The following PLXDC2 variants were observed in gnomAD, a reference collection of about 807,000 sequenced individuals.
PLXDC2 encodes plexin domain containing 2.
A neutral mutation model predicts 68.9 loss-of-function variants in PLXDC2; 40 were observed. The observed-to-expected ratio is 0.58, with a 90% CI of 0.45 to 0.76. The LOEUF (loss-of-function observed/expected upper bound fraction) is 0.76, where lower values mean the gene tolerates loss of function less well. PLXDC2 is among the 30% of genes least tolerant of loss of function. The pLI is 0.00. For missense variants in PLXDC2, 644 were observed against 661.9 expected (o/e 0.97, Z 0.30); for synonymous variants, 243 against 234.2 (o/e 1.04, Z -0.34).
intron 1 of PLXDC2, among the ~76,000 whole-genome samples, chr10:19,972,003 G>A (rs1314250514): frequency 6.6e-6 from 1 of 152,112 alleles, no homozygotes; most frequent in African/African-American, 2.4e-5. Flanking sequence ...GTGCATAGAG[G>A]GAGGAAGGTC....
intron 9 of PLXDC2, among the ~76,000 whole-genome samples, chr10:20,203,440 G>GACT (rs1834947680): frequency 6.6e-6 from 1 of 151,738 alleles, no homozygotes. Context: ...AAGTAGCTGG[G>GACT]ACTACAGGCA....
At chr10:19,840,640 A>G (rs1208911762) in intron 1 of PLXDC2, among the ~76,000 whole-genome samples, 2 of 152,272 alleles carry the variant, frequency 1.3e-5, no homozygotes, top group Non-Finnish European at 2.9e-5. Flanking sequence ...GCCACAATGT[A>G]TACATTCTTA....
intron 1 of PLXDC2, among the ~76,000 whole-genome samples, chr10:19,875,472 G>T (rs1243833521): frequency 6.6e-6 from 1 of 152,228 alleles, no homozygotes; most frequent in African/African-American, 2.4e-5. Flanking sequence ...GAATAACCTA[G>T]TTAGGATTAT....
intron 1 of PLXDC2, among the ~76,000 whole-genome samples, chr10:19,963,120 T>C (rs1834189666): frequency 6.6e-6 from 1 of 152,170 alleles, no homozygotes; most frequent in African/African-American, 2.4e-5. Flanking sequence ...GGTAGCTCAC[T>C]TTATACATCA....
chr10:20,191,966 A>G (rs1486612145), intron 9 of PLXDC2, among the ~76,000 whole-genome samples: 25 of 152,136 alleles, frequency 1.6e-4, no homozygotes, highest in Non-Finnish European at 5.9e-5. Flanking sequence ...CACACATTCC[A>G]TGAAAGGCTT....
intron 9 of PLXDC2, among the ~76,000 whole-genome samples, chr10:20,204,871 A>G (rs910991033): frequency 3.9e-5 from 6 of 152,084 alleles, no homozygotes; most frequent in African/African-American, 1.4e-4. Context: ...CTGATCTATA[A>G]ACTGATTTCT....
At chr10:20,219,364 G>C (rs1348887010) in intron 12 of PLXDC2, among the ~76,000 whole-genome samples, 1 of 152,136 alleles carries the variant, frequency 6.6e-6, no homozygotes, top group Non-Finnish European at 1.5e-5. Context: ...GCTATTCTTT[G>C]TTGGTCTAGT....
At chr10:20,120,735 G>A (rs950282195) in intron 4 of PLXDC2, among the ~76,000 whole-genome samples, 5 of 152,166 alleles carry the variant, frequency 3.3e-5, no homozygotes, top group African/African-American at 1.2e-4. Context: ...GAAGGGAGGG[G>A]GCCTGAATAA....
rs542193880 is a variant in PLXDC2, at chr10:20,090,322, C to G, written c.541+22083C>G. Among the ~76,000 whole-genome samples the G allele has an allele frequency of 9.2e-5, 14 of 152,140 alleles. No individual in the cohort carries two copies. In the South Asian group the frequency reaches 2.7e-3, roughly 29 times the overall value. On this transcript the variant is annotated intron_variant, in intron 4 of 13. Coordinates refer to ENST00000377252, the MANE Select transcript of PLXDC2 (RefSeq NM_032812.9). ...TTTCTCACAGAATATAAAGCAACACCCTTATGTTCACCAGCAACATCTGAA... is the reference window on the plus strand; with the variant it reads ...TTTCTCACAGAATATAAAGCAACACGCTTATGTTCACCAGCAACATCTGAA...
chr10:20,255,564 A>G (rs1042785424), intron 13 of PLXDC2, among the ~76,000 whole-genome samples: 1 of 152,194 alleles, frequency 6.6e-6, no homozygotes, highest in Non-Finnish European at 1.5e-5. Context: ...TCATTCAATT[A>G]CAAGATTATC....
chr10:19,846,084 A>C (rs2131322020), intron 1 of PLXDC2, among the ~76,000 whole-genome samples: 1 of 152,224 alleles, frequency 6.6e-6, no homozygotes, highest in Non-Finnish European at 1.5e-5. Context: ...CCCAGGTCAA[A>C]AATTTACAAA....
chr10:19,946,679 A>G (rs1833907437), intron 1 of PLXDC2, among the ~76,000 whole-genome samples: 2 of 152,022 alleles, frequency 1.3e-5, no homozygotes, highest in South Asian at 2.1e-4. Flanking sequence ...ATTCAAACAC[A>G]TTGCATTTAT....
chr10:20,069,252 T>C (rs1836275273), intron 4 of PLXDC2, among the ~76,000 whole-genome samples: 1 of 152,166 alleles, frequency 6.6e-6, no homozygotes, highest in South Asian at 2.1e-4. Context: ...CTGGAAGTTT[T>C]TTGAGCACCA....
intron 3 of PLXDC2, among the ~76,000 whole-genome samples, chr10:20,052,897 A>G (rs2131690225): frequency 6.6e-6 from 1 of 152,210 alleles, no homozygotes; most frequent in East Asian, 1.9e-4. Flanking sequence ...CCTTCTTGAA[A>G]TGGAAGACAG....
At chr10:20,081,443 C>A (rs1262246652) in intron 4 of PLXDC2, among the ~76,000 whole-genome samples, 2 of 151,588 alleles carry the variant, frequency 1.3e-5, no homozygotes, top group Admixed American at 6.6e-5. Flanking sequence ...AAAAGCAGAA[C>A]AGAACATCAG....
intron 1 of PLXDC2, among the ~76,000 whole-genome samples, chr10:19,983,884 G>A (rs1489428397): frequency 6.6e-6 from 1 of 152,104 alleles, no homozygotes; most frequent in East Asian, 1.9e-4. Context: ...GCATGTGGGA[G>A]CTTTTCCTAG....
chr10:19,986,894 T>TG (rs2131624492), intron 1 of PLXDC2, among the ~76,000 whole-genome samples: 1 of 152,352 alleles, frequency 6.6e-6, no homozygotes, highest in South Asian at 2.1e-4. Context: ...TGAGTGGGAC[T>TG]GGAGTTCAAG....
At position 20,027,390 on chromosome 10, in the gene PLXDC2, G is replaced by A. The variant is rs186738659; in HGVS notation, c.325-19479G>A. ...CCCTTCTCTCCTTCTCATTGTGAGG[G>A]TACAGTGTTTGTTCTCTCTTGCCCT... On this transcript the variant is annotated intron_variant, in intron 2 of 13. Coordinates refer to ENST00000377252, the MANE Select transcript of PLXDC2 (RefSeq NM_032812.9). Among the ~76,000 whole-genome samples, 136 of 152,198 alleles carry A rather than the reference G, an allele frequency of 8.9e-4. 1 individual carries two copies. The South Asian group carries it at 9.8e-3, about 11-fold the overall frequency.
At chr10:20,158,251 T>TA (rs1834242626) in intron 6 of PLXDC2, among the ~76,000 whole-genome samples, 2 of 152,116 alleles carry the variant, frequency 1.3e-5, no homozygotes, top group Admixed American at 1.3e-4. Flanking sequence ...TTTTGGTCCA[T>TA]ATGTTCATTG....
Sources: allele counts gnomAD v4.1 joint callset (sites outside exome capture counted in the v4.1 genomes callset), GRCh38; gene constraint gnomAD v4.1.1; transcripts MANE v1.5; gene names NCBI Gene and HGNC (gene_info 2026-07-23, HGNC 2026-07-21).